The following LIMS2 variants were observed in gnomAD, a reference collection of about 807,000 sequenced individuals.
The protein encoded by LIMS2 is LIM zinc finger domain containing 2.
Under a neutral mutation model 45.3 loss-of-function variants are expected in LIMS2, and 30 were observed. That is an observed-to-expected ratio of 0.66 (90% CI 0.50 to 0.90). The LOEUF (loss-of-function observed/expected upper bound fraction) is 0.90. Among genes scored for constraint, LIMS2 ranks in the 40% least tolerant of loss-of-function variants. LIMS2 has a pLI of 0.00. For synonymous variants in LIMS2, 173 were observed against 188.0 expected (o/e 0.92, Z 0.65); for missense variants, 485 against 468.7 (o/e 1.03, Z -0.32).
chr2:127,650,355 G>A (rs1319836779), intron 4 of LIMS2: 5 of 543,034 alleles, frequency 9.2e-6, no homozygotes, highest in Non-Finnish European at 1.6e-5. Context: ...ACACCTCAGA[G>A]GCAGAACAGA....
chr2:127,642,637 G>A lies in LIMS2; in HGVS notation c.509+286C>T, dbSNP rs1682551889. On this transcript the variant is annotated intron_variant, in intron 5 of 9. Transcript: ENST00000355119. This position sits in a 1 kb window ranked among gnomAD's most constrained non-coding sequence, Gnocchi z 5.3. ...CCTGCCCCCTCAGGTCCCTTCCACT[G>A]CTCCATCTCAACCCTCGTCTGCAGT... 8.7e-6 allele frequency: 4 copies of A among 459,082 alleles called. No individual in the cohort carries two copies. In the South Asian group the frequency reaches 8.8e-5, roughly 10 times the overall value. The allele number at this position is 459,082 out of a possible 1,614,324, so 28.4% of individuals were successfully genotyped here. A position where few individuals can be genotyped will look rare whatever the true frequency, so the allele number is the denominator to read the frequency against.
chr2:127,647,457 T>C lies in LIMS2; in HGVS notation c.360-4385A>G, dbSNP rs1299129378. Among the ~76,000 whole-genome samples the C allele has an allele frequency of 6.6e-6, 1 of 152,184 alleles. No individual in the cohort carries two copies. Among genetic ancestry groups the C allele is most frequent in the East Asian group, 1.9e-4 (1 of 5,176 alleles). On this transcript the variant is annotated intron_variant, in intron 4 of 9. Transcript: ENST00000355119. This position sits in a 1 kb window ranked among gnomAD's most constrained non-coding sequence, Gnocchi z 4.3. Reference sequence around the variant, plus strand: ...CTGCAACATGGGGCTAAAACTGGTTTGAGCCAGCACAGGCAGGCCCCCACC... The same window carrying C: ...CTGCAACATGGGGCTAAAACTGGTTCGAGCCAGCACAGGCAGGCCCCCACC...
At position 127,664,322 on chromosome 2, in the gene LIMS2, G is replaced by C. The variant is rs1305861293; in HGVS notation, c.12-6760C>G. ...GCCACCTACCCCGTGGCTGGCGGCG[G>C]GCTCTGCCGGTGCTGGCGCCGCCGG... On this transcript the variant is annotated intron_variant, in intron 1 of 9. Coordinates refer to ENST00000355119, the MANE Select transcript of LIMS2 (RefSeq NM_001161403.3). This position sits in a 1 kb window ranked among gnomAD's most constrained non-coding sequence, Gnocchi z 5.5. The C allele has an allele frequency of 8.1e-7, 1 of 1,232,426 alleles. No individual in the cohort carries two copies. The highest frequency in any genetic ancestry group is 1.0e-6 in the Non-Finnish European group (1 of 988,766). 76.3% of individuals were successfully genotyped at this position (1,232,426 alleles called of 1,614,324 possible). A position where few individuals can be genotyped will look rare whatever the true frequency, so the allele number is the denominator to read the frequency against.
chr2:127,681,123 G>A (rs1685602261), intron 1 of LIMS2, among the ~76,000 whole-genome samples: 1 of 152,164 alleles, frequency 6.6e-6, no homozygotes, highest in African/African-American at 2.4e-5. Context: ...AGAAGGCCCC[G>A]CGTGCGGCCA....
chr2:127,651,869 GA>G, intron 4 of LIMS2: 1 of 944,480 alleles, frequency 1.1e-6, no homozygotes, highest in Non-Finnish European at 1.6e-6. Flanking sequence ...AATCTCAGCA[GA>G]TGCCCACCAT....
Position 127,639,140 on chromosome 2 carries a change from C to A in LIMS2, c.*141G>T. The A allele has an allele frequency of 1.1e-6, 1 of 874,288 alleles. No individual in the cohort carries two copies. The highest frequency in any genetic ancestry group is 1.7e-6 in the Non-Finnish European group (1 of 576,392). 54.2% of individuals were successfully genotyped at this position (874,288 alleles called of 1,614,324 possible). A position where few individuals can be genotyped will look rare whatever the true frequency, so the allele number is the denominator to read the frequency against. On this transcript the variant is annotated 3_prime_UTR_variant, in exon 10 of 10. Transcript: ENST00000355119. ...CATGGGGAAGGCAGAGATGAGGGAA[C>A]AGGAAGGGAGAAGGCAATGAGGAAA... is the stretch of plus-strand genomic sequence containing the variant.
intron 1 of LIMS2, among the ~76,000 whole-genome samples, chr2:127,660,780 C>T (rs1018627078): frequency 1.3e-5 from 2 of 152,260 alleles, no homozygotes; most frequent in Non-Finnish European, 2.9e-5. Context: ...CCTGGCCACA[C>T]ACACTCTCCT....
intron 1 of LIMS2, among the ~76,000 whole-genome samples, chr2:127,661,721 A>C (rs1332605807): frequency 6.6e-6 from 1 of 152,204 alleles, no homozygotes; most frequent in African/African-American, 2.4e-5. Context: ...TTTGACAGCC[A>C]ATACAAGCCA....
chr2:127,666,868 GAACAGCATGGGGGGA>G (rs767678464), intron 1 of LIMS2, among the ~76,000 whole-genome samples: 40 of 152,174 alleles, frequency 2.6e-4, no homozygotes, highest in Admixed American at 1.3e-4. Flanking sequence ...ACTATCACAA[GAACAGCATGGGGGGA>G]AACACCCCCA....
chr2:127,650,393 T>C, intron 4 of LIMS2: 1 of 532,626 alleles, frequency 1.9e-6, no homozygotes, highest in South Asian at 2.5e-5. Flanking sequence ...CAGGCAAGGC[T>C]CACGTCCCAT....
intron 4 of LIMS2, chr2:127,650,061 T>C (rs1683567609): frequency 1.2e-6 from 2 of 1,607,260 alleles, no homozygotes; most frequent in East Asian, 2.2e-5. Context: ...CCAAGAGAGA[T>C]GCTGAAACTC....
At chr2:127,673,495 G>A (rs957919422) in intron 1 of LIMS2, among the ~76,000 whole-genome samples, 5 of 152,166 alleles carry the variant, frequency 3.3e-5, no homozygotes, top group Non-Finnish European at 5.9e-5. Flanking sequence ...CCTTCCCAGC[G>A]GTTCCGGCCG....
chr2:127,668,048 G>A (rs2105336468), intron 1 of LIMS2, among the ~76,000 whole-genome samples: 1 of 152,288 alleles, frequency 6.6e-6, no homozygotes, highest in South Asian at 2.1e-4. Flanking sequence ...ATCTGAATAT[G>A]AAATAAAACA....
chr2:127,663,302 G>C (rs1038976847), intron 1 of LIMS2, among the ~76,000 whole-genome samples: 5 of 151,874 alleles, frequency 3.3e-5, no homozygotes, highest in African/African-American at 1.2e-4. Context: ...GAGTCTGGGG[G>C]TCCCCACCTG....
At position 127,654,458 on chromosome 2, in the gene LIMS2, G is replaced by A. The variant is rs200845999; in HGVS notation, c.325C>T (p.Leu109=). ...TTCTTCACAAAGCCCAGGTCAGCCA[G>A]CTCCACATCACACAGCTCGCAGCGG... ...CFRCELCDVE[L]ADLGFVKNAG... The change falls in exon 4 of 10, where the codon CTG becomes TTG. Residue 109 remains leucine, a synonymous_variant. Coordinates refer to ENST00000355119, the MANE Select transcript of LIMS2 (RefSeq NM_001161403.3). 28 of 1,614,158 alleles carry A rather than the reference G, an allele frequency of 1.7e-5. No individual in the cohort carries two copies. The Admixed American group carries it at 4.7e-4, about 27-fold the overall frequency.
intron 2 of LIMS2, among the ~76,000 whole-genome samples, chr2:127,657,148 C>T (rs1171253409): frequency 1.3e-5 from 2 of 152,220 alleles, no homozygotes; most frequent in Non-Finnish European, 2.9e-5. Flanking sequence ...GCTCTTCCTG[C>T]CCCCAGGGCC....
At chr2:127,650,835 T>C (rs1683682204) in intron 4 of LIMS2, 8 of 1,614,120 alleles carry the variant, frequency 5.0e-6, no homozygotes, top group Non-Finnish European at 6.8e-6. Flanking sequence ...GAACATGCTG[T>C]TCGCCTCCTT....
chr2:127,663,634 G>A (rs780572765), intron 1 of LIMS2, among the ~76,000 whole-genome samples: 40 of 54,454 alleles, frequency 7.3e-4, no homozygotes, highest in Non-Finnish European at 1.3e-3. Context: ...CTGCCCCCCC[G>A]CCCCAGCCCT....
chr2:127,674,294 C>G (rs987721848), intron 1 of LIMS2: 2 of 156,898 alleles, frequency 1.3e-5, no homozygotes, highest in Admixed American at 6.2e-5. Flanking sequence ...CCCACCCAGT[C>G]CTGAGTCATG....
Sources: allele counts gnomAD v4.1 joint callset (sites outside exome capture counted in the v4.1 genomes callset), GRCh38; gene constraint gnomAD v4.1.1; non-coding constraint Gnocchi (gnomAD v3.1); transcripts MANE v1.5; gene names NCBI Gene and HGNC (gene_info 2026-07-23, HGNC 2026-07-21).